Variants in FRY observed in about 807,000 individuals in gnomAD.
The protein encoded by FRY is protein furry homolog.
In FRY, 128 loss-of-function variants were observed where a neutral mutation model predicts 348.4. The ratio of observed to expected loss-of-function variants is 0.37; its 90% CI spans 0.32 to 0.43. The LOEUF is 0.43. Among genes scored for constraint, FRY ranks in the 20% least tolerant of loss-of-function variants. The pLI is 1.00. For missense variants in FRY, 2,736 were observed against 3,695.2 expected (o/e 0.74, Z 6.73); for synonymous variants, 1,370 against 1,374.7 (o/e 1.00, Z 0.08).
rs558680992 is a variant in FRY, at chr13:32,037,298, G to T, written c.70+5433G>T. ...CCTAGTTTCAAAAGTAAATAAAAAA[G>T]CATGAATGATGTTTACTTTAGAATG... On this transcript the variant is annotated intron_variant, in intron 1 of 60. Transcript: ENST00000542859. Among the ~76,000 whole-genome samples the T allele has an allele frequency of 3.9e-5, 6 of 152,256 alleles. No homozygotes were observed. The East Asian group carries it at 7.7e-4, about 20-fold the overall frequency.
chr13:32,147,467 T>G (rs1880527353), intron 12 of FRY, 82 bp downstream of exon 12: 1 of 791,426 alleles, frequency 1.3e-6, no homozygotes. Flanking sequence ...CTATGCTAAC[T>G]CAACTAGAAG....
chr13:32,126,633 A>G (rs1214994045), intron 7 of FRY, among the ~76,000 whole-genome samples: 8 of 152,202 alleles, frequency 5.3e-5, no homozygotes, highest in Non-Finnish European at 1.2e-4. Flanking sequence ...CACAGACTCC[A>G]ATAGCCCTTG....
chr13:32,252,297 A>G (rs1361309075), intron 50 of FRY, among the ~76,000 whole-genome samples: 1 of 152,114 alleles, frequency 6.6e-6, no homozygotes, highest in Non-Finnish European at 1.5e-5. Context: ...ATATATGCTC[A>G]TATCTCTTGG....
rs764740947 is a variant in FRY, at chr13:32,244,007, G to A, written c.6688-35G>A. ...GGGTCCTTCCATACGGAGATCTGGT[G>A]TGTGACTGACTCCAGCCGCACTTTG... is the stretch of plus-strand genomic sequence containing the variant. On this transcript the variant is annotated intron_variant, in intron 46 of 60. Coordinates refer to ENST00000542859, the MANE Select transcript of FRY (RefSeq NM_023037.3). 3.1e-6 allele frequency: 5 copies of A among 1,611,422 alleles called. No homozygotes were observed. The African/African-American group carries it at 4.0e-5, about 13-fold the overall frequency.
rs778819520 is a variant in FRY, at chr13:32,209,674, C to T, written c.4365C>T (p.Thr1455=). The T allele has an allele frequency of 1.9e-6, 3 of 1,614,076 alleles. No individual in the cohort carries two copies. Among genetic ancestry groups the T allele is most frequent in the Non-Finnish European group, 2.5e-6 (3 of 1,179,932 alleles). ...AATGGAGCAACAACCTGAGGATCAC[C>T]TTGCAGTTCCTGATTAGCCTCTGTG... ...NEKWSNNLRI[T]LQFLISLCGV... Residue 1455 remains threonine (T), a synonymous_variant, in exon 33 of 61, where the codon ACC becomes ACT. Coordinates refer to ENST00000542859, the MANE Select transcript of FRY (RefSeq NM_023037.3).
At chr13:32,266,378 C>T (rs544414244) in intron 54 of FRY, among the ~76,000 whole-genome samples, 4 of 152,304 alleles carry the variant, frequency 2.6e-5, no homozygotes, top group South Asian at 2.1e-4. Context: ...ACTTTCCCTG[C>T]GTATCTCTGG....
intron 57 of FRY, among the ~76,000 whole-genome samples, chr13:32,276,873 G>A (rs907001314): frequency 1.3e-5 from 2 of 152,148 alleles, no homozygotes; most frequent in Admixed American, 6.6e-5. Context: ...TTTGAAATTG[G>A]TGATTATTTC....
chr13:32,227,580 A>G (rs1038247031), intron 39 of FRY, among the ~76,000 whole-genome samples: 1 of 152,212 alleles, frequency 6.6e-6, no homozygotes, highest in Non-Finnish European at 1.5e-5. Context: ...TAATGAAGAA[A>G]CAGTATTTGC....
chr13:32,284,360 A>C (rs905534093), intron 58 of FRY, among the ~76,000 whole-genome samples: 2 of 152,228 alleles, frequency 1.3e-5, no homozygotes, highest in Non-Finnish European at 2.9e-5. Context: ...ATACAAATTG[A>C]ACAAGTTAAG....
chr13:32,094,560 A>G (rs955932085), intron 2 of FRY, among the ~76,000 whole-genome samples: 3 of 151,364 alleles, frequency 2.0e-5, no homozygotes, highest in South Asian at 2.1e-4. Context: ...CTCTGTGTCT[A>G]TGAGTTCAAT....
intron 59 of FRY, 92 bp from the exon 60 acceptor site, chr13:32,294,276 A>T: frequency 1.2e-6 from 1 of 844,856 alleles, no homozygotes; most frequent in Non-Finnish European, 2.0e-6. Context: ...CTTATGCTTA[A>T]CCACACCCAT....
chr13:32,277,602 T>C (rs1888592920), intron 57 of FRY, among the ~76,000 whole-genome samples: 1 of 152,180 alleles, frequency 6.6e-6, no homozygotes, highest in South Asian at 2.1e-4. Flanking sequence ...AAAACAGAAA[T>C]AATATCTGTA....
chr13:32,286,702 G>T (rs1309284854), intron 58 of FRY, among the ~76,000 whole-genome samples: 1 of 126,674 alleles, frequency 7.9e-6, no homozygotes, highest in Non-Finnish European at 1.6e-5. Context: ...AGCCAAGATC[G>T]CGCCACTGCA....
In FRY at chr13:32,228,632, C is replaced by T. The variant is rs761616171; in HGVS notation, c.5383C>T (p.Leu1795Phe). 1 of 1,614,086 alleles carries T rather than the reference C, an allele frequency of 6.2e-7. No homozygotes were observed. The highest frequency in any genetic ancestry group is 8.5e-7 in the Non-Finnish European group (1 of 1,179,940). The change falls in exon 40 of 61, where the codon CTC becomes TTC. Residue 1795 changes from leucine to phenylalanine, a missense_variant. Physicochemically the swap from Leu to Phe is conservative, Grantham distance 22. Transcript: ENST00000542859. ...TGAAACAGATGAGAAGGCAAACAAG[C>T]TCATTGAGTTTCTCACGACCAGGTA... ...AAETDEKANK[L>F]IEFLTTRAFG...
intron 11 of FRY, among the ~76,000 whole-genome samples, chr13:32,145,526 GTTTTTTTTTTTTTTT>G (rs59585678): frequency 1.1e-5 from 1 of 91,474 alleles, no homozygotes; most frequent in African/African-American, 4.2e-5. Context: ...TGACTGATTT[GTTTTTTTTTTTTTTT>G]TTTTTTTTTT....
chr13:32,137,092 G>A (rs1191414365), intron 11 of FRY, 120 bp downstream of exon 11: 2 of 699,828 alleles, frequency 2.9e-6, no homozygotes, highest in Non-Finnish European at 5.2e-6. Context: ...CTATACTGGT[G>A]GAATAATGAA....
chr13:32,099,215 A>G (rs1876984065), intron 2 of FRY, among the ~76,000 whole-genome samples: 4 of 152,004 alleles, frequency 2.6e-5, no homozygotes, highest in Admixed American at 2.0e-4. Flanking sequence ...CTAATCCTCA[A>G]CCAAATTTTG....
At chr13:32,267,027 C>T in intron 54 of FRY, 143 bp from the exon 55 acceptor site, 1 of 763,946 alleles carries the variant, frequency 1.3e-6, no homozygotes, top group Non-Finnish European at 2.3e-6. Context: ...TGAATGAAAG[C>T]CAAGTCCCCA....
intron 2 of FRY, among the ~76,000 whole-genome samples, chr13:32,096,091 C>A (rs187556983): frequency 7.6e-4 from 115 of 151,094 alleles, no homozygotes; most frequent in African/African-American, 2.4e-3. Context: ...TATTCTTTCC[C>A]TTTCTCCCTT....
Sources: allele counts gnomAD v4.1 joint callset (sites outside exome capture counted in the v4.1 genomes callset), GRCh38; gene constraint gnomAD v4.1.1; transcripts MANE v1.5; gene names NCBI Gene and HGNC (gene_info 2026-07-23, HGNC 2026-07-21).